The following AGO3 variants were observed in gnomAD, a reference collection of about 807,000 sequenced individuals.
The protein encoded by AGO3 is protein argonaute-3.
Under a neutral mutation model 105.5 loss-of-function variants are expected in AGO3, and 16 were observed. The ratio of observed to expected loss-of-function variants is 0.15; its 90% CI spans 0.10 to 0.23. The LOEUF (loss-of-function observed/expected upper bound fraction) is 0.23. Ranked by LOEUF, AGO3 falls within the 10% of genes least tolerant of loss-of-function variation. AGO3 has a pLI of 1.00. For missense variants in AGO3, 534 were observed against 1,088.0 expected, an observed-to-expected ratio of 0.49 and a Z score of 7.16; for synonymous variants, 340 against 367.3, an observed-to-expected ratio of 0.93 and a Z score of 0.85.
intron 16 of AGO3, among the ~76,000 whole-genome samples, chr1:36,043,053 T>G (rs1397045360): frequency 6.6e-6 from 1 of 152,234 alleles, no homozygotes; most frequent in African/African-American, 2.4e-5. Context: ...TCTCTCTCTC[T>G]AAACATCTAG....
intron 1 of AGO3, 54 bp from the exon 2 acceptor site, chr1:35,945,638 C>G: frequency 6.4e-7 from 1 of 1,565,720 alleles, no homozygotes; most frequent in Non-Finnish European, 8.7e-7. Context: ...GTTGACAAGG[C>G]TTTGGAATAC....
intron 5 of AGO3, among the ~76,000 whole-genome samples, chr1:35,984,099 G>A (rs1647113865): frequency 6.6e-6 from 1 of 152,126 alleles, no homozygotes; most frequent in African/African-American, 2.4e-5. Flanking sequence ...AAGAACTAGT[G>A]AGCAAGTAAT....
At chr1:36,052,653 AAT>A (rs1642764637) in intron 17 of AGO3, among the ~76,000 whole-genome samples, 1 of 152,178 alleles carries the variant, frequency 6.6e-6, no homozygotes, top group Non-Finnish European at 1.5e-5. Context: ...GTACCTCATA[AAT>A]ATGTGTAATT....
intron 1 of AGO3, among the ~76,000 whole-genome samples, chr1:35,940,576 G>A (rs960846448): frequency 3.3e-5 from 5 of 151,962 alleles, no homozygotes; most frequent in Non-Finnish European, 7.4e-5. Context: ...TGAATTTCCT[G>A]TAAACTGCTA....
In AGO3 at chr1:36,062,808, TATA is replaced by T. The variant is rs1296750182; in HGVS notation, c.*7069_*7071del. The T allele has an allele frequency of 2.6e-5, 4 of 152,336 alleles. No individual in the cohort carries two copies. In the East Asian group the frequency reaches 7.7e-4, roughly 29 times the overall value. 9.4% of individuals were successfully genotyped at this position (152,336 alleles called of 1,614,324 possible). On this transcript the variant is annotated 3_prime_UTR_variant, in exon 19 of 19. Transcript: ENST00000373191. ...CTCAGTAACCTTGTATGCTGCATTATATAATAATGATAGTAAAATTATATTGTT... is the reference window on the plus strand; with the variant it reads ...CTCAGTAACCTTGTATGCTGCATTATATAATGATAGTAAAATTATATTGTT...
chr1:36,004,936 G>A (rs1390545500), intron 6 of AGO3, among the ~76,000 whole-genome samples: 1 of 151,914 alleles, frequency 6.6e-6, no homozygotes, highest in African/African-American at 2.4e-5. Context: ...TTCATGTGTT[G>A]TTCTAGAATT....
In AGO3 at chr1:36,065,166, CAA is replaced by C. The variant is rs758048938; in HGVS notation, c.*9433_*9434del. The stretch of plus-strand genomic sequence containing the variant: ...TGGGCGACAGAGCAAGACTCCGTCT[CAA>C]AAAAAAAAAAAGCAAAATATTTTTG... On this transcript the variant is annotated 3_prime_UTR_variant, in exon 19 of 19. Coordinates refer to ENST00000373191, the MANE Select transcript of AGO3 (RefSeq NM_024852.4). 7 of 114,694 alleles carry C rather than the reference CAA, an allele frequency of 6.1e-5. No homozygotes were observed. Among genetic ancestry groups the C allele is most frequent in the African/African-American group, 9.7e-5 (3 of 30,850 alleles). The allele number at this position is 114,694 out of a possible 1,614,324, so 7.1% of individuals were successfully genotyped here.
rs189936723 is a variant in AGO3, at chr1:36,062,374, A to G, written c.*6629A>G. 102 of 152,296 alleles carry G rather than the reference A, an allele frequency of 6.7e-4. No individual in the cohort carries two copies. Among genetic ancestry groups the G allele is most frequent in the African/African-American group, 2.4e-3 (98 of 41,564 alleles). The allele number at this position is 152,296 out of a possible 1,614,324, so 9.4% of individuals were successfully genotyped here. A position where few individuals can be genotyped will look rare whatever the true frequency, so the allele number is the denominator to read the frequency against. Reference sequence around the variant, plus strand: ...GGACTGCTCATAAAGGCAGTACCAAATCATCATTCAGATCAGCTTAAGTGA... The same window carrying G: ...GGACTGCTCATAAAGGCAGTACCAAGTCATCATTCAGATCAGCTTAAGTGA... On this transcript the variant is annotated 3_prime_UTR_variant, in exon 19 of 19. Transcript: ENST00000373191.
At chr1:36,051,372 A>C (rs1026649412) in intron 17 of AGO3, among the ~76,000 whole-genome samples, 2 of 152,178 alleles carry the variant, frequency 1.3e-5, no homozygotes, top group African/African-American at 4.8e-5. Flanking sequence ...ACCCTGTGGG[A>C]TAGAGCAAAA....
chr1:36,044,234 A>G (rs996829426), intron 17 of AGO3, among the ~76,000 whole-genome samples: 1 of 152,160 alleles, frequency 6.6e-6, no homozygotes, highest in Non-Finnish European at 1.5e-5. Context: ...AGTCTCAGCT[A>G]TTCAGGAGGC....
At chr1:35,969,553 T>G (rs1442035773) in intron 3 of AGO3, among the ~76,000 whole-genome samples, 1 of 152,222 alleles carries the variant, frequency 6.6e-6, no homozygotes, top group Non-Finnish European at 1.5e-5. Context: ...TTGATTTCAC[T>G]GCCCAGATTG....
intron 5 of AGO3, among the ~76,000 whole-genome samples, chr1:35,988,350 A>G (rs1213820752): frequency 6.6e-6 from 1 of 152,234 alleles, no homozygotes; most frequent in Non-Finnish European, 1.5e-5. Flanking sequence ...TACAATAATA[A>G]TTATAGTCAC....
At chr1:36,053,844 G>C (rs1642821095) in intron 17 of AGO3, among the ~76,000 whole-genome samples, 2 of 149,158 alleles carry the variant, frequency 1.3e-5, no homozygotes, top group African/African-American at 5.0e-5. Flanking sequence ...CAACTCCCTG[G>C]TTCAAGCGAT....
At chr1:35,987,450 G>A (rs993030965) in intron 5 of AGO3, among the ~76,000 whole-genome samples, 6 of 151,144 alleles carry the variant, frequency 4.0e-5, no homozygotes, top group Non-Finnish European at 8.9e-5. Context: ...CCGAGATCAC[G>A]CCACTGCACT....
At chr1:35,937,386 C>CAA (rs59539094) in intron 1 of AGO3, among the ~76,000 whole-genome samples, 31 of 130,664 alleles carry the variant, frequency 2.4e-4, no homozygotes, top group African/African-American at 5.6e-4. Context: ...CTGGGCAACT[C>CAA]AAAAAAAAAA....
intron 5 of AGO3, among the ~76,000 whole-genome samples, chr1:35,997,351 G>C (rs1639877676): frequency 6.6e-6 from 1 of 152,174 alleles, no homozygotes; most frequent in African/African-American, 2.4e-5. Flanking sequence ...CCTCAACTTA[G>C]AATGGTTTGA....
intron 5 of AGO3, among the ~76,000 whole-genome samples, chr1:35,981,284 T>C (rs1171662502): frequency 6.6e-6 from 1 of 152,200 alleles, no homozygotes; most frequent in African/African-American, 2.4e-5. Flanking sequence ...TGGCATGAGA[T>C]GAGTTTCCCA....
intron 5 of AGO3, among the ~76,000 whole-genome samples, chr1:35,994,591 CTGTT>C (rs1217319554): frequency 7.2e-6 from 1 of 139,660 alleles, no homozygotes; most frequent in Non-Finnish European, 1.5e-5. Context: ...AAATAAAACT[CTGTT>C]TGTAGAAGAC....
At position 36,059,134 on chromosome 1, in the gene AGO3, T is replaced by C. The variant is rs1433398770; in HGVS notation, c.*3389T>C. The stretch of plus-strand genomic sequence containing the variant: ...GAGGAAAAATATTTTTTCTAAATTA[T>C]AAAGCTTTACCTTTTGAGTGATTTC... On this transcript the variant is annotated 3_prime_UTR_variant, in exon 19 of 19. Transcript: ENST00000373191. 6.6e-6 allele frequency: 1 copy of C among 152,202 alleles called. No homozygotes were observed. Among genetic ancestry groups the C allele is most frequent in the Non-Finnish European group, 1.5e-5 (1 of 68,024 alleles). The allele number at this position is 152,202 out of a possible 1,614,324, so 9.4% of individuals were successfully genotyped here. A position where few individuals can be genotyped will look rare whatever the true frequency, so the allele number is the denominator to read the frequency against.
Sources: allele counts gnomAD v4.1 joint callset (sites outside exome capture counted in the v4.1 genomes callset), GRCh38; gene constraint gnomAD v4.1.1; transcripts MANE v1.5; gene names NCBI Gene and HGNC (gene_info 2026-07-23, HGNC 2026-07-21).